ADAM12: variants seen among roughly 807,000 people sequenced by gnomAD.
ADAM12 encodes the protein disintegrin and metalloproteinase domain-containing protein 12.
In ADAM12, 70 loss-of-function variants were observed where a neutral mutation model predicts 106.4. That is an observed-to-expected ratio of 0.66 (90% confidence interval 0.54 to 0.80). The LOEUF is 0.80. Among genes scored for constraint, ADAM12 ranks in the 30% least tolerant of loss-of-function variants. ADAM12 has a pLI of 0.00. For synonymous variants in ADAM12, 420 were observed against 433.5 expected (o/e 0.97, Z 0.39); for missense variants, 1,010 against 1,171.9 (o/e 0.86, Z 2.02).
At chr10:126,368,681 G>A (rs572700526) in intron 1 of ADAM12, among the ~76,000 whole-genome samples, 148 of 151,372 alleles carry the variant, frequency 9.8e-4, no homozygotes, top group Non-Finnish European at 1.3e-3. Context: ...CTTTGTAGTT[G>A]CAGAAGGTGA....
intron 1 of ADAM12, among the ~76,000 whole-genome samples, chr10:126,385,868 C>T (rs529404542): frequency 6.6e-6 from 1 of 152,098 alleles, no homozygotes; most frequent in Non-Finnish European, 1.5e-5. Flanking sequence ...AATGCTCTAA[C>T]TCATGTTTGA....
At chr10:126,253,352 C>T (rs1958822903) in intron 3 of ADAM12, among the ~76,000 whole-genome samples, 1 of 152,216 alleles carries the variant, frequency 6.6e-6, no homozygotes, top group Non-Finnish European at 1.5e-5. Flanking sequence ...TTTTCATCTG[C>T]TCGCCAATGT....
chr10:126,020,479 G>A (rs777600070), intron 21 of ADAM12, among the ~76,000 whole-genome samples: 10 of 152,108 alleles, frequency 6.6e-5, no homozygotes, highest in Non-Finnish European at 1.3e-4. Context: ...GGCCAGGGAA[G>A]GTGGGGTTAT....
At chr10:126,200,478 A>G (rs1294065771) in intron 3 of ADAM12, among the ~76,000 whole-genome samples, 1 of 152,164 alleles carries the variant, frequency 6.6e-6, no homozygotes, top group Non-Finnish European at 1.5e-5. Context: ...AAAAATCAGC[A>G]CGACTCCTGT....
At chr10:126,254,266 G>A (rs1182431748) in intron 3 of ADAM12, among the ~76,000 whole-genome samples, 3 of 152,210 alleles carry the variant, frequency 2.0e-5, no homozygotes, top group Admixed American at 6.5e-5. Context: ...TGATAGGGCT[G>A]TGCCTCAGTT....
At chr10:126,032,606 C>T (rs1412485095) in intron 21 of ADAM12, among the ~76,000 whole-genome samples, 3 of 152,240 alleles carry the variant, frequency 2.0e-5, no homozygotes, top group Admixed American at 6.5e-5. Context: ...TGACATGGTA[C>T]ACAGGTGAGT....
chr10:126,194,278 C>CAAAAAAAAAAAAAAAAAAA (rs35778124), intron 3 of ADAM12, among the ~76,000 whole-genome samples: 1 of 58,070 alleles, frequency 1.7e-5, no homozygotes, highest in Non-Finnish European at 3.9e-5. Context: ...TTCATATGCT[C>CAAAAAAAAAAAAAAAAAAA]AAAAAAAAAA....
intron 21 of ADAM12, among the ~76,000 whole-genome samples, chr10:126,025,428 A>T (rs1380361754): frequency 1.3e-5 from 2 of 151,586 alleles, no homozygotes; most frequent in African/African-American, 2.4e-5. Context: ...GATGAAGCAG[A>T]GGAAAAAATC....
chr10:126,036,395 G>T (rs1444419457), intron 20 of ADAM12, 70 bp from the exon 21 acceptor site: 1 of 1,502,272 alleles, frequency 6.7e-7, no homozygotes, highest in Non-Finnish European at 8.9e-7. Context: ...TAAGGAAAAA[G>T]CAGTGCTAAC....
At chr10:126,288,810 G>T (rs1351411980) in intron 2 of ADAM12, among the ~76,000 whole-genome samples, 1 of 151,576 alleles carries the variant, frequency 6.6e-6, no homozygotes, top group African/African-American at 2.4e-5. Flanking sequence ...TGACCACATG[G>T]TGACACGGTG....
chr10:126,223,514 CA>C (rs1958135125), intron 3 of ADAM12, among the ~76,000 whole-genome samples: 2 of 152,104 alleles, frequency 1.3e-5, no homozygotes, highest in Non-Finnish European at 2.9e-5. Context: ...GCCTAATAGG[CA>C]TCTATATAAA....
chr10:126,071,786 C>T, intron 11 of ADAM12, 132 bp from the exon 12 acceptor site: 1 of 949,390 alleles, frequency 1.1e-6, no homozygotes, highest in Non-Finnish European at 1.6e-6. Context: ...ATGAACAATG[C>T]ATATCAAAAA....
chr10:126,055,555 C>T (rs994732838), intron 14 of ADAM12, among the ~76,000 whole-genome samples: 5 of 152,144 alleles, frequency 3.3e-5, no homozygotes, highest in South Asian at 4.1e-4. Flanking sequence ...TTAGACTCAG[C>T]GTTTTAGCAA....
chr10:126,017,397 A>T, intron 22 of ADAM12, 58 bp from the exon 23 acceptor site: 2 of 1,477,652 alleles, frequency 1.4e-6, no homozygotes, highest in Non-Finnish European at 1.8e-6. Context: ...GATTCTGAGG[A>T]TAGAGAGGTC....
intron 14 of ADAM12, among the ~76,000 whole-genome samples, chr10:126,062,657 T>C (rs1188771685): frequency 6.6e-6 from 1 of 152,172 alleles, no homozygotes; most frequent in Non-Finnish European, 1.5e-5. Flanking sequence ...TGGGGGTGGC[T>C]CAGACAGCAC....
intron 11 of ADAM12, among the ~76,000 whole-genome samples, chr10:126,082,364 T>TTTTTTA: frequency 4.1e-5 from 1 of 24,274 alleles, no homozygotes; most frequent in Non-Finnish European, 7.8e-5. Flanking sequence ...CTAATGACTG[T>TTTTTTA]TTTTTTTTTT....
rs755582023 is a variant in ADAM12, at chr10:126,046,116, T to C, written c.1934A>G (p.Gln645Arg). The change falls in exon 17 of 23, where the codon CAA becomes CGA. Residue 645 changes from glutamine to arginine, a missense_variant. Gln to Arg is a conservative substitution (Grantham distance 43). Transcript: ENST00000448723. ...CADGKICLNR[Q>R]CQNISVFGVH... ...CCCAAAGACACTAATATTTTGACAT[T>C]GACGATTCAGGCAGATCTGTAGGAG... 3 of 1,614,016 alleles carry C rather than the reference T, an allele frequency of 1.9e-6. No individual in the cohort carries two copies. The highest frequency in any genetic ancestry group is 2.5e-6 in the Non-Finnish European group (3 of 1,179,994).
intron 11 of ADAM12, chr10:126,091,137 T>A (rs1428116566): frequency 1.9e-5 from 2 of 106,320 alleles, no homozygotes; most frequent in Non-Finnish European, 4.7e-5. Context: ...CAATGATGAG[T>A]AGGAATTCTG....
At chr10:126,222,595 G>T (rs1291793496) in intron 3 of ADAM12, among the ~76,000 whole-genome samples, 1 of 151,706 alleles carries the variant, frequency 6.6e-6, no homozygotes, top group Non-Finnish European at 1.5e-5. Flanking sequence ...CTCACTGGGG[G>T]TCCTTTGGTG....
Sources: allele counts gnomAD v4.1 joint callset (sites outside exome capture counted in the v4.1 genomes callset), GRCh38; gene constraint gnomAD v4.1.1; transcripts MANE v1.5; gene names NCBI Gene and HGNC (gene_info 2026-07-23, HGNC 2026-07-21).